The following MAP3K4 variants were observed in gnomAD, a reference collection of about 807,000 sequenced individuals.
MAP3K4 encodes the protein mitogen-activated protein kinase kinase kinase 4.
In MAP3K4, 67 loss-of-function variants were observed where a neutral mutation model predicts 185.6. That is an observed-to-expected ratio of 0.36 (90% CI 0.30 to 0.44). MAP3K4 has a LOEUF of 0.44. Among genes scored for constraint, MAP3K4 ranks in the 20% least tolerant of loss-of-function variants. MAP3K4 has a pLI of 1.00. For missense variants in MAP3K4, 1,551 were observed against 1,995.1 expected, an observed-to-expected ratio of 0.78 and a Z score of 4.24; for synonymous variants, 702 against 710.4, an observed-to-expected ratio of 0.99 and a Z score of 0.19.
chr6:161,026,733 CTTTTTTTTTTTTTT>C (rs553664182), intron 1 of MAP3K4, among the ~76,000 whole-genome samples: 1 of 96,102 alleles, frequency 1.0e-5, no homozygotes, highest in African/African-American at 4.5e-5. Context: ...GTTCTCTCTC[CTTTTTTTTTTTTTT>C]TTTTTTTTTT....
intron 3 of MAP3K4, among the ~76,000 whole-genome samples, chr6:161,059,553 T>G (rs1784398422): frequency 6.6e-6 from 1 of 152,228 alleles, no homozygotes. Context: ...GCTGCCTTTC[T>G]ATTATTGATC....
At chr6:161,041,088 G>A (rs1390118858) in intron 2 of MAP3K4, among the ~76,000 whole-genome samples, 1 of 152,242 alleles carries the variant, frequency 6.6e-6, no homozygotes, top group Non-Finnish European at 1.5e-5. Flanking sequence ...TTGGGTAGGA[G>A]AAGGCCAAGG....
intron 2 of MAP3K4, among the ~76,000 whole-genome samples, chr6:161,038,119 C>T (rs754579686): frequency 2.6e-5 from 4 of 151,872 alleles, no homozygotes; most frequent in African/African-American, 7.3e-5. Context: ...TTCCTTATTT[C>T]TCCTCCATTC....
At chr6:161,083,459 C>T (rs1583210588) in intron 6 of MAP3K4, among the ~76,000 whole-genome samples, 1 of 152,050 alleles carries the variant, frequency 6.6e-6, no homozygotes. Context: ...CCAATCAGAC[C>T]CCTTTCCCAA....
At chr6:161,046,053 T>C (rs1783715602) in intron 2 of MAP3K4, among the ~76,000 whole-genome samples, 1 of 152,314 alleles carries the variant, frequency 6.6e-6, no homozygotes, top group East Asian at 1.9e-4. Context: ...GTGTGTTTTT[T>C]TAGTTACCTA....
In MAP3K4 at chr6:161,076,591, A is replaced by G. The variant is rs1054288644; in HGVS notation, c.2097+2979A>G. ...GCCTCAGAAGTAACCAAGACAATAA[A>G]CATAATAATACATGATGTAGGAACA... On this transcript the variant is annotated intron_variant, in intron 5 of 26. Transcript: ENST00000392142. The surrounding 1 kb of genome is among the most constrained non-coding windows in gnomAD (Gnocchi z 4.2). 6.6e-6 allele frequency among the ~76,000 whole-genome samples: 1 copy of G among 152,164 alleles called. No individual in the cohort carries two copies. The highest frequency in any genetic ancestry group is 2.4e-5 in the African/African-American group (1 of 41,418).
chr6:161,095,848 A>G (rs1309681245), intron 15 of MAP3K4, among the ~76,000 whole-genome samples: 3 of 152,230 alleles, frequency 2.0e-5, no homozygotes, highest in Admixed American at 2.0e-4. Context: ...AAAGTTTTGC[A>G]GTGTTACATA....
chr6:161,036,188 A>T (rs571923035), intron 2 of MAP3K4, among the ~76,000 whole-genome samples: 1 of 152,312 alleles, frequency 6.6e-6, no homozygotes, highest in East Asian at 1.9e-4. Context: ...CACAATTTTT[A>T]AAATTGTTTA....
At chr6:161,046,035 C>G (rs560379094) in intron 2 of MAP3K4, among the ~76,000 whole-genome samples, 29 of 152,250 alleles carry the variant, frequency 1.9e-4, no homozygotes, top group African/African-American at 6.7e-4. Context: ...CTCTCCTAAG[C>G]CCAACATGTG....
intron 1 of MAP3K4, among the ~76,000 whole-genome samples, chr6:161,001,918 C>T (rs1425469203): frequency 6.6e-6 from 1 of 152,082 alleles, no homozygotes; most frequent in Non-Finnish European, 1.5e-5. Context: ...AGAGGCAAAT[C>T]CTATAGTGAT....
chr6:161,040,186 A>G (rs901453221), intron 2 of MAP3K4, among the ~76,000 whole-genome samples: 12 of 152,116 alleles, frequency 7.9e-5, no homozygotes, highest in African/African-American at 1.4e-4. Context: ...AAATTTGCCT[A>G]TTTCTCATTT....
chr6:161,111,643 ATT>A (rs1328691949), intron 23 of MAP3K4, among the ~76,000 whole-genome samples, 191 bp from the exon 24 acceptor site: 1 of 152,174 alleles, frequency 6.6e-6, no homozygotes, highest in African/African-American at 2.4e-5. Flanking sequence ...TGGTGTTAAA[ATT>A]TTGTTGCTTT....
chr6:160,997,739 TC>T (rs1781073076), intron 1 of MAP3K4, among the ~76,000 whole-genome samples: 1 of 152,236 alleles, frequency 6.6e-6, no homozygotes, highest in Admixed American at 6.5e-5. Context: ...GGAATTCCTC[TC>T]TTGACTCAAA....
At chr6:161,092,260 CTT>C in intron 13 of MAP3K4, 117 bp downstream of exon 13, 1 of 1,078,688 alleles carries the variant, frequency 9.3e-7, no homozygotes, top group Non-Finnish European at 1.3e-6. Context: ...ACTCTAAACT[CTT>C]CGGTGATCAG....
At position 161,098,935 on chromosome 6, in the gene MAP3K4, CAGATCAGTACTTG is replaced by C. The variant is rs964755458; in HGVS notation, c.3674+512_3674+524del. Among the ~76,000 whole-genome samples, 20 of 152,292 alleles carry C rather than the reference CAGATCAGTACTTG, an allele frequency of 1.3e-4. No individual in the cohort carries two copies. Among genetic ancestry groups the C allele is most frequent in the Admixed American group, 3.9e-4 (6 of 15,294 alleles). The stretch of plus-strand genomic sequence containing the variant: ...TGGGGTTTGTATGTCATATGGAGAA[CAGATCAGTACTTG>C]AGAGAACTCTCAGACAACTTGGCAA... On this transcript the variant is annotated intron_variant, in intron 17 of 26. Coordinates refer to ENST00000392142, the MANE Select transcript of MAP3K4 (RefSeq NM_005922.4). The surrounding 1 kb of genome is among the most constrained non-coding windows in gnomAD (Gnocchi z 4.4).
Position 161,101,833 on chromosome 6 carries a change from G to A in MAP3K4, c.3675-59G>A. 1 of 1,439,622 alleles carries A rather than the reference G, an allele frequency of 6.9e-7. No homozygotes were observed. The highest frequency in any genetic ancestry group is 2.3e-5 in the East Asian group (1 of 43,710). The allele number at this position is 1,439,622 out of a possible 1,614,324, so 89.2% of individuals were successfully genotyped here. On this transcript the variant is annotated intron_variant, in intron 17 of 26. Coordinates refer to ENST00000392142, the MANE Select transcript of MAP3K4 (RefSeq NM_005922.4). The surrounding 1 kb of genome is among the most constrained non-coding windows in gnomAD (Gnocchi z 5.1). The stretch of plus-strand genomic sequence containing the variant: ...ATTATTGCTCTAGAAAAATCTCGCA[G>A]ATCTTTCATTTTAAGTTCTATTGAA...
rs1272684154 is a variant in MAP3K4, at chr6:161,022,989, G to A, written c.153-11270G>A. ...CAGAGCTGATTGAAAACATAAACAA[G>A]TATAAATGTTTTATTCCCATTTAAC... is the stretch of plus-strand genomic sequence containing the variant. On this transcript the variant is annotated intron_variant, in intron 1 of 26. Transcript: ENST00000392142. This position sits in a 1 kb window ranked among gnomAD's most constrained non-coding sequence, Gnocchi z 4.2. 6.6e-6 allele frequency among the ~76,000 whole-genome samples: 1 copy of A among 152,060 alleles called. No homozygotes were observed. The highest frequency in any genetic ancestry group is 1.5e-5 in the Non-Finnish European group (1 of 67,992).
Position 161,022,774 on chromosome 6 carries a change from T to G in MAP3K4, c.153-11485T>G, listed in dbSNP as rs1032140839. On this transcript the variant is annotated intron_variant, in intron 1 of 26. Coordinates refer to ENST00000392142, the MANE Select transcript of MAP3K4 (RefSeq NM_005922.4). This position sits in a 1 kb window ranked among gnomAD's most constrained non-coding sequence, Gnocchi z 4.2. ...GCATGTAACAGAGCACCTCCCATCATCAATAAGAATTGACCTCCTGTGCAA... is the reference window on the plus strand; with the variant it reads ...GCATGTAACAGAGCACCTCCCATCAGCAATAAGAATTGACCTCCTGTGCAA... 2.6e-5 allele frequency among the ~76,000 whole-genome samples: 4 copies of G among 152,150 alleles called. No individual in the cohort carries two copies. Among genetic ancestry groups the G allele is most frequent in the Non-Finnish European group, 1.5e-5 (1 of 68,034 alleles).
intron 19 of MAP3K4, among the ~76,000 whole-genome samples, chr6:161,104,831 G>A (rs554520669): frequency 2.2e-4 from 33 of 152,176 alleles, no homozygotes; most frequent in African/African-American, 7.9e-4. Context: ...TAGATTTGCA[G>A]TGTTGTATAT....
Sources: allele counts gnomAD v4.1 joint callset (sites outside exome capture counted in the v4.1 genomes callset), GRCh38; gene constraint gnomAD v4.1.1; non-coding constraint Gnocchi (gnomAD v3.1); transcripts MANE v1.5; gene names NCBI Gene and HGNC (gene_info 2026-07-23, HGNC 2026-07-21).